Variants in KCNMA1 observed in about 807,000 individuals in gnomAD.
The protein encoded by KCNMA1 is potassium calcium-activated channel subfamily M alpha 1, also known as Calcium-activated potassium channel subunit alpha-1.
In KCNMA1, 29 loss-of-function variants were observed where a neutral mutation model predicts 140.0. That is an observed-to-expected ratio of 0.21 (90% CI 0.15 to 0.28). KCNMA1 has a LOEUF of 0.28. Ranked by LOEUF, KCNMA1 falls within the 10% of genes least tolerant of loss-of-function variation. The pLI, the probability that KCNMA1 is intolerant of heterozygous loss-of-function variation, is 1.00. For missense variants in KCNMA1, 880 were observed against 1,602.2 expected (o/e 0.55, Z 7.70); for synonymous variants, 612 against 611.9 (o/e 1.00, Z 0.00).
At chr10:77,116,979 G>A (rs1446681029) in intron 6 of KCNMA1, among the ~76,000 whole-genome samples, 1 of 152,170 alleles carries the variant, frequency 6.6e-6, no homozygotes, top group East Asian at 1.9e-4. Context: ...ATCTCTTGCA[G>A]TCTCCATATA....
chr10:77,002,168 C>T (rs574724971), intron 18 of KCNMA1, among the ~76,000 whole-genome samples: 1 of 152,198 alleles, frequency 6.6e-6, no homozygotes, highest in South Asian at 2.1e-4. Context: ...CTGAACTTCC[C>T]GAGAGTGAGT....
chr10:76,915,184 G>A (rs761459607), intron 23 of KCNMA1, 135 bp from the exon 24 acceptor site: 9 of 670,444 alleles, frequency 1.3e-5, no homozygotes, highest in South Asian at 5.9e-5. Context: ...TAGTATTCCC[G>A]GGATAAACTC....
chr10:77,331,649 T>TA (rs34133785), intron 2 of KCNMA1, among the ~76,000 whole-genome samples: 111 of 148,340 alleles, frequency 7.5e-4, no homozygotes, highest in South Asian at 7.4e-3. Context: ...ACAAAACCTT[T>TA]AAAAAAAAAA....
At chr10:77,440,362 A>T (rs1373333200) in intron 1 of KCNMA1, among the ~76,000 whole-genome samples, 1 of 152,172 alleles carries the variant, frequency 6.6e-6, no homozygotes, top group East Asian at 1.9e-4. Flanking sequence ...GAGAGAAATT[A>T]AAACTTTCCT....
chr10:77,390,641 A>C (rs1224680760), intron 2 of KCNMA1, among the ~76,000 whole-genome samples: 7 of 152,202 alleles, frequency 4.6e-5, no homozygotes, highest in Non-Finnish European at 1.0e-4. Context: ...TGATATAATT[A>C]GCTCTGGACA....
chr10:77,587,973 T>C (rs1044001477), intron 1 of KCNMA1: 4 of 560,258 alleles, frequency 7.1e-6, no homozygotes, highest in East Asian at 1.5e-4. Context: ...TGCAAAGCAC[T>C]CTATTTTAAG....
chr10:76,981,718 CAAGAT>C (rs2079521307), intron 19 of KCNMA1, among the ~76,000 whole-genome samples: 1 of 152,166 alleles, frequency 6.6e-6, no homozygotes, highest in Non-Finnish European at 1.5e-5. Flanking sequence ...ATGATTATGA[CAAGAT>C]CAATTCTCTC....
At chr10:77,300,894 A>T (rs1197297944) in intron 2 of KCNMA1, among the ~76,000 whole-genome samples, 1 of 152,182 alleles carries the variant, frequency 6.6e-6, no homozygotes, top group Non-Finnish European at 1.5e-5. Flanking sequence ...TCTGAGCCCG[A>T]GCTGCTCACA....
At chr10:76,956,578 C>G (rs79283643) in intron 20 of KCNMA1, among the ~76,000 whole-genome samples, 5 of 152,128 alleles carry the variant, frequency 3.3e-5, no homozygotes, top group African/African-American at 4.8e-5. Flanking sequence ...CCAATTGAAT[C>G]AGTAAAGCAA....
At chr10:76,958,992 A>T (rs1468783344) in intron 20 of KCNMA1, among the ~76,000 whole-genome samples, 2 of 152,168 alleles carry the variant, frequency 1.3e-5, no homozygotes, top group Non-Finnish European at 2.9e-5. Flanking sequence ...AGGGGGGGAA[A>T]AAAGCATCCC....
At chr10:77,170,766 G>A (rs1230364674) in intron 5 of KCNMA1, among the ~76,000 whole-genome samples, 1 of 152,146 alleles carries the variant, frequency 6.6e-6, no homozygotes, top group East Asian at 1.9e-4. Flanking sequence ...AAATACTAGT[G>A]ACTAATAAAG....
intron 1 of KCNMA1, chr10:77,498,954 C>G (rs2042861574): frequency 6.6e-6 from 1 of 152,202 alleles, no homozygotes; most frequent in Admixed American, 6.5e-5. Context: ...GAGTAGGGCT[C>G]AACCCTCTGG....
rs777675852 is a variant in KCNMA1, at chr10:77,564,385, C to A, written c.378+72880G>T. Among the ~76,000 whole-genome samples, 9 of 152,182 alleles carry A rather than the reference C, an allele frequency of 5.9e-5. No homozygotes were observed. The South Asian group carries it at 6.2e-4, about 11-fold the overall frequency. On this transcript the variant is annotated intron_variant, in intron 1 of 27. Coordinates refer to ENST00000286628, the MANE Select transcript of KCNMA1 (RefSeq NM_001161352.2). ...GTCAGGAGTTCAAGACCAGCCTGGG[C>A]AATATGGTGAAACCCCATCTCTACT...
intron 14 of KCNMA1, among the ~76,000 whole-genome samples, chr10:77,064,535 C>T (rs959054861): frequency 7.2e-5 from 11 of 152,308 alleles, no homozygotes; most frequent in Middle Eastern, 3.4e-3. Context: ...CGCTTTAATT[C>T]AATGTTCTAG....
intron 1 of KCNMA1, among the ~76,000 whole-genome samples, chr10:77,465,718 G>T (rs2097985609): frequency 6.6e-6 from 1 of 152,152 alleles, no homozygotes; most frequent in South Asian, 2.1e-4. Context: ...CTGGTCGAGG[G>T]GTAGCCTCTC....
intron 19 of KCNMA1, among the ~76,000 whole-genome samples, chr10:76,982,345 A>C (rs1238685698): frequency 1.4e-5 from 2 of 147,240 alleles, no homozygotes; most frequent in African/African-American, 2.5e-5. Flanking sequence ...AAAAAAAAAG[A>C]AAGGAAGAAA....
At chr10:77,236,470 C>T (rs1214158393) in intron 3 of KCNMA1, among the ~76,000 whole-genome samples, 5 of 152,134 alleles carry the variant, frequency 3.3e-5, no homozygotes, top group Non-Finnish European at 7.3e-5. Flanking sequence ...CACCCCATGC[C>T]CCTCTTCTGC....
At chr10:76,943,747 T>A (rs761837784) in intron 23 of KCNMA1, among the ~76,000 whole-genome samples, 1 of 152,100 alleles carries the variant, frequency 6.6e-6, no homozygotes, top group Non-Finnish European at 1.5e-5. Context: ...TAGAAGGCAG[T>A]GGTGGTGATG....
chr10:76,971,541 G>A (rs2076092239), intron 19 of KCNMA1, among the ~76,000 whole-genome samples: 1 of 152,100 alleles, frequency 6.6e-6, no homozygotes, highest in African/African-American at 2.4e-5. Context: ...GCTGATGCAG[G>A]AAAAGGGAAT....
Sources: gnomAD v4.1 joint callset for allele counts (sites outside exome capture counted in the v4.1 genomes callset) on GRCh38, gnomAD v4.1.1 for gene constraint, MANE v1.5 for transcripts, NCBI Gene and HGNC (gene_info 2026-07-23, HGNC 2026-07-21) for gene names.